ADCY9: variants seen among roughly 807,000 people sequenced by gnomAD.
ADCY9 encodes the protein adenylate cyclase type 9.
Under a neutral mutation model 101.5 loss-of-function variants are expected in ADCY9, and 50 were observed. The ratio of observed to expected loss-of-function variants is 0.49; its 90% CI spans 0.39 to 0.62. The LOEUF (loss-of-function observed/expected upper bound fraction) is 0.62. Among genes scored for constraint, ADCY9 ranks in the 20% least tolerant of loss-of-function variants. ADCY9 has a pLI of 0.00. For synonymous variants in ADCY9, 905 were observed against 769.3 expected, an observed-to-expected ratio of 1.18 and a Z score of -2.92; for missense variants, 1,662 against 1,800.4, an observed-to-expected ratio of 0.92 and a Z score of 1.39.
chr16:4,034,781 G>C (rs1156638795), intron 2 of ADCY9, among the ~76,000 whole-genome samples: 1 of 152,162 alleles, frequency 6.6e-6, no homozygotes, highest in Non-Finnish European at 1.5e-5. Context: ...TGAAGAAGGA[G>C]ACTGAAGTGA....
chr16:3,990,815 T>G (rs2056238178), intron 5 of ADCY9, among the ~76,000 whole-genome samples: 1 of 152,228 alleles, frequency 6.6e-6, no homozygotes, highest in African/African-American at 2.4e-5. Context: ...TATTTGTTTT[T>G]TGAGATGGAG....
intron 9 of ADCY9, 105 bp downstream of exon 9, chr16:3,977,377 T>C (rs2056100719): frequency 1.4e-5 from 20 of 1,410,374 alleles, no homozygotes; most frequent in Non-Finnish European, 1.9e-5. Flanking sequence ...GGGAAATATC[T>C]CTATCGGGGC....
chr16:4,012,165 A>C (rs1294997253), intron 2 of ADCY9, among the ~76,000 whole-genome samples: 1 of 152,236 alleles, frequency 6.6e-6, no homozygotes, highest in African/African-American at 2.4e-5. Context: ...AAGGTCAAAC[A>C]CACCTCCGTG....
At chr16:4,003,817 G>GTGGT (rs1468617981) in intron 3 of ADCY9, among the ~76,000 whole-genome samples, 1 of 151,942 alleles carries the variant, frequency 6.6e-6, no homozygotes, top group Non-Finnish European at 1.5e-5. Context: ...CCTCCCCTCC[G>GTGGT]CGACGCTGAC....
intron 2 of ADCY9, among the ~76,000 whole-genome samples, chr16:4,099,500 C>T (rs1039353883): frequency 6.6e-6 from 1 of 152,052 alleles, no homozygotes; most frequent in Admixed American, 6.6e-5. Flanking sequence ...ATCAGACAAA[C>T]AGAATTAATG....
At chr16:4,016,784 G>A (rs759396780) in intron 2 of ADCY9, among the ~76,000 whole-genome samples, 2 of 152,222 alleles carry the variant, frequency 1.3e-5, no homozygotes, top group African/African-American at 4.8e-5. Context: ...AGGGAGATCT[G>A]TAGACACAGA....
At chr16:4,015,111 T>A (rs1320209196) in intron 2 of ADCY9, among the ~76,000 whole-genome samples, 1 of 151,764 alleles carries the variant, frequency 6.6e-6, no homozygotes, top group Non-Finnish European at 1.5e-5. Flanking sequence ...GGCTAATTTT[T>A]TTTGTATTTT....
At chr16:4,024,705 A>C (rs1215220072) in intron 2 of ADCY9, among the ~76,000 whole-genome samples, 1 of 152,114 alleles carries the variant, frequency 6.6e-6, no homozygotes, top group African/African-American at 2.4e-5. Context: ...TTCATGATTT[A>C]AGGTCTAGGC....
intron 9 of ADCY9, among the ~76,000 whole-genome samples, chr16:3,976,070 C>T (rs1384924224): frequency 1.3e-5 from 2 of 152,182 alleles, no homozygotes; most frequent in African/African-American, 4.8e-5. Context: ...CGGTTCACTG[C>T]AACCTCCGCC....
intron 10 of ADCY9, among the ~76,000 whole-genome samples, chr16:3,971,766 A>G (rs545899595): frequency 1.3e-5 from 2 of 151,766 alleles, no homozygotes; most frequent in Admixed American, 1.3e-4. Flanking sequence ...GGTGTCACCA[A>G]GGTCTAACAT....
chr16:4,050,544 G>A (rs141574587), intron 2 of ADCY9, among the ~76,000 whole-genome samples: 2,046 of 151,170 alleles, frequency 0.014, 34 homozygotes, highest in African/African-American at 0.046. Context: ...GTGAAACCCC[G>A]TCTCTACTAA....
intron 2 of ADCY9, among the ~76,000 whole-genome samples, chr16:4,087,907 TTC>T (rs2056950197): frequency 6.6e-6 from 1 of 151,356 alleles, no homozygotes. Context: ...CTTTCTCCCT[TTC>T]TTTCGTTTCT....
intron 2 of ADCY9, among the ~76,000 whole-genome samples, chr16:4,075,049 T>C (rs2056858480): frequency 1.3e-5 from 2 of 152,146 alleles, no homozygotes; most frequent in South Asian, 4.1e-4. Flanking sequence ...TGGTGGTGCA[T>C]GCCTGTAGTC....
In ADCY9 at chr16:4,088,936, C is replaced by G. The variant is rs544047055; in HGVS notation, c.1693+24814G>C. On this transcript the variant is annotated intron_variant, in intron 2 of 10. Coordinates refer to ENST00000294016, the MANE Select transcript of ADCY9 (RefSeq NM_001116.4). ...CCATTCGAGAACATTTTCATCACCC[C>G]GAAAGGAAACCCCATCCATACCCAT... Among the ~76,000 whole-genome samples the G allele has an allele frequency of 1.8e-4, 27 of 151,960 alleles. 1 individual carries two copies. The highest frequency in any genetic ancestry group is 1.6e-3 in the Admixed American group (25 of 15,238).
chr16:4,037,917 G>C (rs1056120786), intron 2 of ADCY9, among the ~76,000 whole-genome samples: 2 of 152,174 alleles, frequency 1.3e-5, no homozygotes, highest in Non-Finnish European at 2.9e-5. Context: ...TGAAACCTAT[G>C]TGCTATGGTC....
intron 2 of ADCY9, among the ~76,000 whole-genome samples, chr16:4,010,446 G>A (rs953660714): frequency 6.6e-6 from 1 of 152,256 alleles, no homozygotes; most frequent in African/African-American, 2.4e-5. Context: ...AGCTGGGCAC[G>A]TGCCTCAAGC....
chr16:3,988,478 GA>G (rs1345172779), intron 6 of ADCY9, among the ~76,000 whole-genome samples: 52 of 124,850 alleles, frequency 4.2e-4, no homozygotes, highest in African/African-American at 1.4e-3. Context: ...AGGTGTGGGG[GA>G]TTCCCTTCCA....
At chr16:3,995,531 G>A (rs910130698) in intron 3 of ADCY9, among the ~76,000 whole-genome samples, 46 of 151,860 alleles carry the variant, frequency 3.0e-4, no homozygotes, top group Non-Finnish European at 3.8e-4. Context: ...AATGTGACCA[G>A]GTAACCTAGG....
At chr16:4,081,289 A>G (rs576263983) in intron 2 of ADCY9, among the ~76,000 whole-genome samples, 1 of 152,294 alleles carries the variant, frequency 6.6e-6, no homozygotes, top group Admixed American at 6.5e-5. Flanking sequence ...CACGTTGCTC[A>G]CAGCAGATCA....
Sources: gnomAD v4.1 joint callset for allele counts (sites outside exome capture counted in the v4.1 genomes callset) on GRCh38, gnomAD v4.1.1 for gene constraint, MANE v1.5 for transcripts, NCBI Gene and HGNC (gene_info 2026-07-23, HGNC 2026-07-21) for gene names.